OR52E4: variants seen among roughly 807,000 people sequenced by gnomAD.
The protein encoded by OR52E4 is olfactory receptor family 52 subfamily E member 4.
For missense variants in OR52E4, 444 were observed against 383.8 expected (o/e 1.16, Z -1.31); for synonymous variants, 169 against 137.4 (o/e 1.23, Z -1.61).
rs746798255 is a variant in OR52E4, at chr11:5,884,758, GT to G, written c.468del (p.Val158Ter). ...LASVVVGRNL[V>X]LVTPFVFLIL... ...TTCTGTGGTTGTTGGAAGAAATTTA[GT>G]TCTTGTAACCCCATTTGTGTTTCTC... On this transcript the variant is annotated frameshift_variant, in exon 2 of 2. Transcript: ENST00000641726. LOFTEE classifies it low-confidence loss of function (END_TRUNC). The G allele has an allele frequency of 6.2e-7, 1 of 1,613,636 alleles. No individual in the cohort carries two copies. Among genetic ancestry groups the G allele is most frequent in the East Asian group, 2.2e-5 (1 of 44,850 alleles).
intron 1 of OR52E4, among the ~76,000 whole-genome samples, chr11:5,881,411 C>T (rs779809526): frequency 3.3e-5 from 5 of 152,098 alleles, no homozygotes; most frequent in Non-Finnish European, 7.4e-5. Flanking sequence ...CTGCTTTGGT[C>T]TCACCAAGAT....
chr11:5,884,566 C>A lies in OR52E4; in HGVS notation c.274C>A (p.Gln92Lys). ...KMLGIFWFNLQEISFGGCLLQ... is the reference protein window; with the variant it reads ...KMLGIFWFNLKEISFGGCLLQ... ...GCTAGGAATCTTCTGGTTCAACCTC[C>A]AAGAGATCAGCTTTGGGGGATGCCT... The change falls in exon 2 of 2, where the codon CAA becomes AAA. Residue 92 changes from glutamine (Q) to lysine (K), a missense_variant. By Grantham distance (53) the Gln-to-Lys change is moderately conservative. Coordinates refer to ENST00000641726, the MANE Select transcript of OR52E4 (RefSeq NM_001005165.2). The A allele has an allele frequency of 6.2e-7, 1 of 1,613,504 alleles. No individual in the cohort carries two copies.
In OR52E4 at chr11:5,885,308, T is replaced by C. The variant is rs1847027303; in HGVS notation, c.*77T>C. 1 of 1,004,004 alleles carries C rather than the reference T, an allele frequency of 1.0e-6. No individual in the cohort carries two copies. The highest frequency in any genetic ancestry group is 2.8e-5 in the Admixed American group (1 of 35,268). 62.2% of individuals were successfully genotyped at this position (1,004,004 alleles called of 1,614,324 possible). The stretch of plus-strand genomic sequence containing the variant: ...CATCTGAGCTCCCTTTTTAATCTTC[T>C]GTAACAGTTGGTCATGCTTGTCAGA... On this transcript the variant is annotated 3_prime_UTR_variant, in exon 2 of 2. Coordinates refer to ENST00000641726, the MANE Select transcript of OR52E4 (RefSeq NM_001005165.2).
chr11:5,884,901 G>A lies in OR52E4; in HGVS notation c.609G>A (p.Met203Ile). 4 of 1,613,134 alleles carry A rather than the reference G, an allele frequency of 2.5e-6. No homozygotes were observed. The highest frequency in any genetic ancestry group is 2.5e-6 in the Non-Finnish European group (3 of 1,179,368). ...AGATCAACATAATCTATGGGCTCAT[G>A]GTGATTTCTTATATTATTGTGGATG... Reference protein sequence around the residue: ...PIKINIIYGLMVISYIIVDVI... With the variant: ...PIKINIIYGLIVISYIIVDVI... The change falls in exon 2 of 2, where the codon ATG becomes ATA. Residue 203 changes from methionine to isoleucine, a missense_variant. Physicochemically the swap from Met to Ile is conservative, Grantham distance 10. Transcript: ENST00000641726.
chr11:5,884,770 C>G lies in OR52E4; in HGVS notation c.478C>G (p.Pro160Ala), dbSNP rs1847014423. 1.2e-6 allele frequency: 2 copies of G among 1,613,392 alleles called. No individual in the cohort carries two copies. Among genetic ancestry groups the G allele is most frequent in the Admixed American group, 1.7e-5 (1 of 59,858 alleles). Residue 160 changes from proline to alanine, a missense_variant, in exon 2 of 2, where the codon CCA becomes GCA. Physicochemically the swap from Pro to Ala is conservative, Grantham distance 27 (BLOSUM62 -1). Coordinates refer to ENST00000641726, the MANE Select transcript of OR52E4 (RefSeq NM_001005165.2). ...TGGAAGAAATTTAGTTCTTGTAACC[C>G]CATTTGTGTTTCTCATTCTGCGTCT... ...VVGRNLVLVT[P>A]FVFLILRLPF...
rs1847019701 is a variant in OR52E4, at chr11:5,884,976, C to T, written c.684C>T (p.Arg228=). The part of the protein sequence containing the change: ...SYVLILRAVF[R]LPSQDVRLKA... ...TGCTTATCCTTAGAGCTGTTTTTCGCCTTCCCTCTCAAGATGTCCGACTAA... is the reference window on the plus strand; with the variant it reads ...TGCTTATCCTTAGAGCTGTTTTTCGTCTTCCCTCTCAAGATGTCCGACTAA... The change falls in exon 2 of 2, where the codon CGC becomes CGT. Residue 228 remains arginine (R), a synonymous_variant. Transcript: ENST00000641726. The T allele has an allele frequency of 6.2e-7, 1 of 1,612,912 alleles. No individual in the cohort carries two copies. The highest frequency in any genetic ancestry group is 1.3e-5 in the African/African-American group (1 of 74,948).
At chr11:5,882,648 C>A (rs1467953746) in intron 1 of OR52E4, among the ~76,000 whole-genome samples, 2 of 151,948 alleles carry the variant, frequency 1.3e-5, no homozygotes, top group Non-Finnish European at 2.9e-5. Flanking sequence ...CAGCCACGTA[C>A]ATAATAAAAC....
In OR52E4 at chr11:5,884,377, ATT is replaced by A. The variant is rs1847006418; in HGVS notation, c.87_88del (p.Ser30PhefsTer24). On this transcript the variant is annotated frameshift_variant, in exon 2 of 2. Transcript: ENST00000641726. LOFTEE classifies it low-confidence loss of function (END_TRUNC). ...AGGACTGGACACTTTACATATCTGG[ATT>A]TCTTTCCCATTCTGTATTGTGTACC... ...IPGLDTLHIW[I>X]SFPFCIVYLI... is the part of the protein sequence containing the mutation. 6.2e-7 allele frequency: 1 copy of A among 1,613,090 alleles called. No individual in the cohort carries two copies. Among genetic ancestry groups the A allele is most frequent in the African/African-American group, 1.3e-5 (1 of 74,820 alleles).
In OR52E4 at chr11:5,884,975, G is replaced by T; in HGVS notation, c.683G>T (p.Arg228Leu). Residue 228 changes from arginine to leucine, a missense_variant, in exon 2 of 2, where the codon CGC (arginine) becomes CTC (leucine). By Grantham distance (102) the Arg-to-Leu change is moderately radical. Transcript: ENST00000641726. Reference sequence around the variant, plus strand: ...GTGCTTATCCTTAGAGCTGTTTTTCGCCTTCCCTCTCAAGATGTCCGACTA... The same window carrying T: ...GTGCTTATCCTTAGAGCTGTTTTTCTCCTTCCCTCTCAAGATGTCCGACTA... ...SYVLILRAVF[R>L]LPSQDVRLKA... 6.2e-7 allele frequency: 1 copy of T among 1,612,564 alleles called. No individual in the cohort carries two copies. Among genetic ancestry groups the T allele is most frequent in the Non-Finnish European group, 8.5e-7 (1 of 1,179,118 alleles).
In OR52E4 at chr11:5,884,692, T is replaced by C. The variant is rs1399103467; in HGVS notation, c.400T>C (p.Tyr134His). 6.2e-7 allele frequency: 1 copy of C among 1,613,666 alleles called. No individual in the cohort carries two copies. The highest frequency in any genetic ancestry group is 8.5e-7 in the Non-Finnish European group (1 of 1,179,754). The change falls in exon 2 of 2, where the codon TAC becomes CAC. Residue 134 changes from tyrosine (Y) to histidine (H), a missense_variant. Physicochemically the swap from Tyr to His is moderately conservative, Grantham distance 83 (BLOSUM62 2). Coordinates refer to ENST00000641726, the MANE Select transcript of OR52E4 (RefSeq NM_001005165.2). The part of the protein sequence containing the change: ...RFVAICNPLQ[Y>H]TMILTNKTIS... ...TGTTGCCATCTGCAACCCTCTCCAG[T>C]ACACCATGATCCTCACCAATAAAAC...
intron 1 of OR52E4, among the ~76,000 whole-genome samples, chr11:5,880,942 C>CT (rs1285438150): frequency 2.0e-5 from 3 of 151,962 alleles, no homozygotes; most frequent in African/African-American, 7.3e-5. Context: ...TCTCTCCCCC[C>CT]TTTCTCTCTG....
At position 5,884,399 on chromosome 11, in the gene OR52E4, T is replaced by C. The variant is rs1361982685; in HGVS notation, c.107T>C (p.Val36Ala). The C allele has an allele frequency of 6.2e-7, 1 of 1,613,322 alleles. No homozygotes were observed. Among genetic ancestry groups the C allele is most frequent in the Non-Finnish European group, 8.5e-7 (1 of 1,179,412 alleles). The change falls in exon 2 of 2, where the codon GTG (valine) becomes GCG (alanine). Residue 36 changes from valine to alanine, a missense_variant. Val to Ala is a moderately conservative substitution (Grantham distance 64). Transcript: ENST00000641726. ...HIWISFPFCI[V>A]YLIAIVGNMT... ...TGGATTTCTTTCCCATTCTGTATTG[T>C]GTACCTGATTGCCATTGTGGGGAAT...
At position 5,885,324 on chromosome 11, in the gene OR52E4, G is replaced by T; in HGVS notation, c.*93G>T. On this transcript the variant is annotated 3_prime_UTR_variant, in exon 2 of 2. Transcript: ENST00000641726. Reference sequence around the variant, plus strand: ...TTAATCTTCTGTAACAGTTGGTCATGCTTGTCAGATTTTTTCCTTTTGACT... The same window carrying T: ...TTAATCTTCTGTAACAGTTGGTCATTCTTGTCAGATTTTTTCCTTTTGACT... 1 of 910,294 alleles carries T rather than the reference G, an allele frequency of 1.1e-6. No homozygotes were observed. Among genetic ancestry groups the T allele is most frequent in the Non-Finnish European group, 1.6e-6 (1 of 623,112 alleles). The allele number at this position is 910,294 out of a possible 1,614,324, so 56.4% of individuals were successfully genotyped here.
intron 1 of OR52E4, among the ~76,000 whole-genome samples, chr11:5,881,524 C>G (rs1846963604): frequency 2.0e-5 from 3 of 152,102 alleles, no homozygotes; most frequent in Admixed American, 2.0e-4. Flanking sequence ...ATATTAATGT[C>G]TGACTCTGTG....
chr11:5,883,776 C>A (rs1846996588), intron 1 of OR52E4, among the ~76,000 whole-genome samples: 1 of 151,852 alleles, frequency 6.6e-6, no homozygotes. Context: ...CATATAACCT[C>A]TGGAAAATTT....
rs1022200355 is a variant in OR52E4 at position 5,885,090 on chromosome 11, C to T, written c.798C>T (p.Gly266=). Reference sequence around the variant, plus strand: ...TTTCTTTTATGACACATCGTTTTGGCCAAAACATTCCCCACTATATCCATA... The same window carrying T: ...TTTCTTTTATGACACATCGTTTTGGTCAAAACATTCCCCACTATATCCATA... ...AFFSFMTHRF[G]QNIPHYIHIL... is the part of the protein sequence containing the mutation. Residue 266 remains glycine (G), a synonymous_variant, in exon 2 of 2, where the codon GGC becomes GGT. Coordinates refer to ENST00000641726, the MANE Select transcript of OR52E4 (RefSeq NM_001005165.2). The T allele has an allele frequency of 1.9e-6, 3 of 1,613,234 alleles. No individual in the cohort carries two copies. The highest frequency in any genetic ancestry group is 3.3e-5 in the Admixed American group (2 of 59,844).
chr11:5,884,939 C>A lies in OR52E4; in HGVS notation c.647C>A (p.Ala216Asp). The change falls in exon 2 of 2, where the codon GCC (alanine) becomes GAC (aspartate). Residue 216 changes from alanine to aspartate, a missense_variant. Physicochemically the swap from Ala to Asp is moderately radical, Grantham distance 126. Transcript: ENST00000641726. ...SYIIVDVILI[A>D]SSYVLILRAV... ...ATTATTGTGGATGTGATCTTAATTGCCTCTTCCTATGTGCTTATCCTTAGA... is the reference window on the plus strand; with the variant it reads ...ATTATTGTGGATGTGATCTTAATTGACTCTTCCTATGTGCTTATCCTTAGA... The A allele has an allele frequency of 2.5e-6, 4 of 1,612,794 alleles. No homozygotes were observed. The highest frequency in any genetic ancestry group is 2.5e-6 in the Non-Finnish European group (3 of 1,179,040).
In OR52E4 at chr11:5,885,149, C is replaced by G; in HGVS notation, c.857C>G (p.Pro286Arg). Residue 286 changes from proline (P) to arginine (R), a missense_variant, in exon 2 of 2, where the codon CCT becomes CGT. Pro to Arg is a moderately radical substitution (Grantham distance 103). Transcript: ENST00000641726. ...GCTAACCTGTATGTGGTTGTCCCACCTGCCCTTAACCCTGTCATTTATGGA... is the reference window on the plus strand; with the variant it reads ...GCTAACCTGTATGTGGTTGTCCCACGTGCCCTTAACCCTGTCATTTATGGA... ...LLANLYVVVP[P>R]ALNPVIYGVR... The G allele has an allele frequency of 6.2e-7, 1 of 1,613,382 alleles. No individual in the cohort carries two copies. Among genetic ancestry groups the G allele is most frequent in the African/African-American group, 1.3e-5 (1 of 74,960 alleles).
At chr11:5,883,979 G>A (rs1481738250) in intron 1 of OR52E4, among the ~76,000 whole-genome samples, 1 of 152,076 alleles carries the variant, frequency 6.6e-6, no homozygotes, top group Non-Finnish European at 1.5e-5. Context: ...TAATGGAAGG[G>A]AATGCCGTAA....
Sources: gnomAD v4.1 joint callset for allele counts (sites outside exome capture counted in the v4.1 genomes callset) on GRCh38, gnomAD v4.1.1 for gene constraint, MANE v1.5 for transcripts, NCBI Gene and HGNC (gene_info 2026-07-23, HGNC 2026-07-21) for gene names.